The following OTOA variants were observed in gnomAD, a reference collection of about 807,000 sequenced individuals.
OTOA encodes the protein otoancorin, also known as cancer/testis antigen 108.
OTOA carries 70 observed loss-of-function variants against 110.8 expected under a neutral mutation model. The ratio of observed to expected loss-of-function variants is 0.63; its 90% CI spans 0.52 to 0.77. The LOEUF is 0.77. Among genes scored for constraint, OTOA ranks in the 30% least tolerant of loss-of-function variants. The pLI, the probability that OTOA is intolerant of heterozygous loss-of-function variation, is 0.00. For missense variants in OTOA, 917 were observed against 1,075.8 expected (o/e 0.85, Z 2.06); for synonymous variants, 373 against 431.5 (o/e 0.86, Z 1.68).
At chr16:21,754,077 TA>T (rs1410720648) in intron 27 of OTOA, among the ~76,000 whole-genome samples, 35 of 137,496 alleles carry the variant, frequency 2.5e-4, no homozygotes, top group African/African-American at 7.1e-4. Context: ...TATATATATA[TA>T]TTTTTTTCTA....
At chr16:21,714,061 A>AC (rs1437949687) in intron 13 of OTOA, among the ~76,000 whole-genome samples, 1 of 152,140 alleles carries the variant, frequency 6.6e-6, no homozygotes, top group Non-Finnish European at 1.5e-5. Context: ...GCATGAGATC[A>AC]CCCATTATAC....
At chr16:21,717,658 G>A (rs537437329) in intron 15 of OTOA, among the ~76,000 whole-genome samples, 2 of 152,274 alleles carry the variant, frequency 1.3e-5, no homozygotes, top group African/African-American at 2.4e-5. Flanking sequence ...CATTGAGGCC[G>A]CTTGGGGGGA....
chr16:21,667,698 G>T (rs1966843415), intron 1 of OTOA, among the ~76,000 whole-genome samples: 1 of 152,096 alleles, frequency 6.6e-6, no homozygotes, highest in Non-Finnish European at 1.5e-5. Flanking sequence ...GAGCTTTGGA[G>T]GCCGTGTGGT....
intron 21 of OTOA, among the ~76,000 whole-genome samples, chr16:21,731,390 A>G (rs1269312259): frequency 6.6e-6 from 1 of 152,204 alleles, no homozygotes; most frequent in Non-Finnish European, 1.5e-5. Flanking sequence ...GACAGTCTAG[A>G]CCAAGGGGCA....
At chr16:21,758,249 T>C (rs1333655714) in intron 28 of OTOA, among the ~76,000 whole-genome samples, 2 of 151,888 alleles carry the variant, frequency 1.3e-5, no homozygotes, top group Non-Finnish European at 1.5e-5. Flanking sequence ...ATTTGGACCA[T>C]GCTCTGGGGA....
chr16:21,689,648 T>G (rs1897788733), intron 8 of OTOA, among the ~76,000 whole-genome samples: 3 of 152,144 alleles, frequency 2.0e-5, no homozygotes, highest in African/African-American at 7.2e-5. Flanking sequence ...CTCTTTGTCT[T>G]ATATGCTGAA....
At chr16:21,686,287 G>A (rs1311584894) in intron 7 of OTOA, among the ~76,000 whole-genome samples, 1 of 149,132 alleles carries the variant, frequency 6.7e-6, no homozygotes, top group Non-Finnish European at 1.5e-5. Flanking sequence ...GTAAAATGGA[G>A]GCTTTTTTTT....
At chr16:21,708,443 C>T (rs1898257843) in intron 12 of OTOA, among the ~76,000 whole-genome samples, 3 of 152,094 alleles carry the variant, frequency 2.0e-5, no homozygotes, top group East Asian at 1.9e-4. Context: ...CCATCTGTGA[C>T]CCGGAGTCTG....
intron 9 of OTOA, among the ~76,000 whole-genome samples, chr16:21,695,910 T>TTC (rs1897930736): frequency 1.5e-5 from 2 of 137,220 alleles, no homozygotes; most frequent in African/African-American, 5.5e-5. Flanking sequence ...TTTTTTTTTT[T>TTC]CTGAGATGGA....
chr16:21,692,946 G>A (rs139446551), intron 9 of OTOA, among the ~76,000 whole-genome samples: 48 of 74,154 alleles, frequency 6.5e-4, no homozygotes, highest in Middle Eastern at 7.9e-3. Flanking sequence ...AAAAAAAAAA[G>A]AAAGAAAGAA....
At chr16:21,720,799 C>G (rs556103237) in intron 17 of OTOA, among the ~76,000 whole-genome samples, 3 of 152,062 alleles carry the variant, frequency 2.0e-5, no homozygotes, top group Admixed American at 6.5e-5. Flanking sequence ...AAGAGTTGCC[C>G]CAGTGAAGGT....
At chr16:21,680,757 G>A (rs1966882393) in intron 5 of OTOA, among the ~76,000 whole-genome samples, 1 of 151,392 alleles carries the variant, frequency 6.6e-6, no homozygotes, top group Non-Finnish European at 1.5e-5. Context: ...GAAGGCTGAG[G>A]CAGGAGAATC....
At chr16:21,697,284 TA>T (rs1207916807) in intron 9 of OTOA, among the ~76,000 whole-genome samples, 2 of 152,170 alleles carry the variant, frequency 1.3e-5, no homozygotes, top group African/African-American at 4.8e-5. Context: ...GTTCACATCC[TA>T]CGTGTGATCT....
chr16:21,667,919 A>T (rs1384598791), intron 1 of OTOA, among the ~76,000 whole-genome samples: 1 of 152,198 alleles, frequency 6.6e-6, no homozygotes, highest in Non-Finnish European at 1.5e-5. Context: ...TAAGCTCATG[A>T]GCCACGCAAA....
intron 1 of OTOA, among the ~76,000 whole-genome samples, chr16:21,665,016 A>ATAAG (rs1368157943): frequency 2.6e-5 from 4 of 151,950 alleles, no homozygotes; most frequent in African/African-American, 9.7e-5. Context: ...AAATAAATAA[A>ATAAG]CAAATAAAGT....
chr16:21,675,450 C>T (rs1410373067), intron 1 of OTOA, among the ~76,000 whole-genome samples: 2 of 151,170 alleles, frequency 1.3e-5, no homozygotes, highest in Non-Finnish European at 2.9e-5. Flanking sequence ...GCCACTGTGC[C>T]CTGCTAATGA....
chr16:21,688,759 A>C (rs1897771877), intron 8 of OTOA, among the ~76,000 whole-genome samples: 1 of 152,130 alleles, frequency 6.6e-6, no homozygotes, highest in Non-Finnish European at 1.5e-5. Flanking sequence ...ATCCAGCCTC[A>C]TGACCTAATC....
chr16:21,712,776 C>T (rs966800930), intron 13 of OTOA, among the ~76,000 whole-genome samples: 3 of 150,372 alleles, frequency 2.0e-5, no homozygotes, highest in Non-Finnish European at 4.4e-5. Context: ...ACCTGGGAGG[C>T]GGTGCTTGCA....
chr16:21,735,843 C>A (rs397832268), intron 21 of OTOA, among the ~76,000 whole-genome samples: 11 of 152,174 alleles, frequency 7.2e-5, no homozygotes, highest in African/African-American at 1.9e-4. Context: ...ATTTGCCTGC[C>A]TCGACCTCCC....
Sources: allele counts gnomAD v4.1 joint callset (sites outside exome capture counted in the v4.1 genomes callset), GRCh38; gene constraint gnomAD v4.1.1; transcripts MANE v1.5; gene names NCBI Gene and HGNC (gene_info 2026-07-23, HGNC 2026-07-21).